RAD51B: variants seen among roughly 807,000 people sequenced by gnomAD.
RAD51B encodes RAD51 paralog B.
A neutral mutation model predicts 42.2 loss-of-function variants in RAD51B; 38 were observed. The observed-to-expected ratio is 0.90, with a 90% confidence interval of 0.70 to 1.18. The LOEUF is 1.18. Ranked by LOEUF, RAD51B falls within the 50% of genes most tolerant of loss-of-function variation. The pLI, the probability that RAD51B is intolerant of heterozygous loss-of-function variation, is 0.00. For synonymous variants in RAD51B, 154 were observed against 145.2 expected (o/e 1.06, Z -0.43); for missense variants, 373 against 400.7 (o/e 0.93, Z 0.59).
intron 10 of RAD51B, among the ~76,000 whole-genome samples, chr14:68,506,542 T>C (rs559723622): frequency 1.6e-4 from 24 of 152,348 alleles, no homozygotes; most frequent in Non-Finnish European, 2.5e-4. Context: ...CGTGCATGTG[T>C]GCGTGCACGC....
chr14:68,190,294 C>T (rs913311726), intron 7 of RAD51B, among the ~76,000 whole-genome samples: 1 of 152,030 alleles, frequency 6.6e-6, no homozygotes, highest in African/African-American at 2.4e-5. Context: ...GGTCCAGGTA[C>T]TTTTTTTGTG....
At chr14:68,049,556 C>A (rs1289940820) in intron 7 of RAD51B, among the ~76,000 whole-genome samples, 1 of 152,180 alleles carries the variant, frequency 6.6e-6, no homozygotes, top group East Asian at 1.9e-4. Context: ...GGCCTCTCCA[C>A]CTGTTTTTCT....
At chr14:68,471,125 C>A (rs2086112829) in intron 10 of RAD51B, among the ~76,000 whole-genome samples, 1 of 152,146 alleles carries the variant, frequency 6.6e-6, no homozygotes, top group Admixed American at 6.5e-5. Flanking sequence ...TGGAGGTTGG[C>A]ACCTGGAGCT....
chr14:68,229,148 T>C (rs1183231556), intron 7 of RAD51B, among the ~76,000 whole-genome samples: 1 of 152,228 alleles, frequency 6.6e-6, no homozygotes, highest in Non-Finnish European at 1.5e-5. Flanking sequence ...ATTCATTAAG[T>C]TGAAAGTTCA....
chr14:68,181,507 C>A (rs2079060618), intron 7 of RAD51B, among the ~76,000 whole-genome samples: 1 of 152,124 alleles, frequency 6.6e-6, no homozygotes, highest in African/African-American at 2.4e-5. Context: ...ATTTTTCTGC[C>A]CACATTTGGT....
At chr14:68,498,348 T>C (rs1884688145) in intron 10 of RAD51B, among the ~76,000 whole-genome samples, 1 of 152,248 alleles carries the variant, frequency 6.6e-6, no homozygotes, top group Admixed American at 6.5e-5. Context: ...ATCATCTTGC[T>C]GTGCTCTCCA....
intron 10 of RAD51B, among the ~76,000 whole-genome samples, chr14:68,555,410 CCTGT>C (rs1160966565): frequency 2.0e-4 from 31 of 152,164 alleles, no homozygotes; most frequent in Admixed American, 2.0e-3. Context: ...CCAGAGTGTC[CCTGT>C]CTGTCTAACG....
chr14:67,867,263 T>C (rs1375063229), intron 5 of RAD51B, among the ~76,000 whole-genome samples: 1 of 152,160 alleles, frequency 6.6e-6, no homozygotes, highest in African/African-American at 2.4e-5. Context: ...GGCCAATCGG[T>C]TAGGAAAGCT....
chr14:68,161,801 C>T (rs1311338998), intron 7 of RAD51B, among the ~76,000 whole-genome samples: 1 of 152,200 alleles, frequency 6.6e-6, no homozygotes, highest in African/African-American at 2.4e-5. Flanking sequence ...GAACATCATG[C>T]TTCTTCCTCC....
chr14:67,853,238 C>T (rs994344494), intron 4 of RAD51B, among the ~76,000 whole-genome samples: 1 of 152,186 alleles, frequency 6.6e-6, no homozygotes, highest in Admixed American at 6.5e-5. Context: ...TACTCCCAAC[C>T]TCCAGATAAG....
chr14:68,648,108 C>CGTATAT lies in RAD51B; in HGVS notation c.1037-2673_1037-2672insGTATAT, dbSNP rs1286942616. Among the ~76,000 whole-genome samples the CGTATAT allele has an allele frequency of 1.0e-3, 24 of 22,974 alleles. 2 individuals are homozygous for CGTATAT. Among genetic ancestry groups the CGTATAT allele is most frequent in the East Asian group, 5.4e-3 (2 of 370 alleles). The allele number at this position is 22,974 out of a possible 152,430, so 15.1% of individuals were successfully genotyped here. A position where few individuals can be genotyped will look rare whatever the true frequency, so the allele number is the denominator to read the frequency against. ...ATACGTGTGTGTATATATATATACACACACGTATATATATATACACACACG... is the reference window on the plus strand; with the variant it reads ...ATACGTGTGTGTATATATATATACACGTATATACACGTATATATATATACACACACG... On this transcript the variant is annotated intron_variant, in intron 10 of 11. Transcript: ENST00000488612.
chr14:68,271,382 G>A (rs975708604), intron 7 of RAD51B, among the ~76,000 whole-genome samples: 3 of 152,126 alleles, frequency 2.0e-5, no homozygotes, highest in Non-Finnish European at 1.5e-5. Context: ...AACAAGCCTG[G>A]GTTTGAATCC....
At chr14:68,316,614 G>A (rs926455059) in intron 8 of RAD51B, among the ~76,000 whole-genome samples, 7 of 152,116 alleles carry the variant, frequency 4.6e-5, no homozygotes, top group Non-Finnish European at 7.3e-5. Flanking sequence ...TTTCCTTCTC[G>A]GCTGTGAGAC....
chr14:68,309,549 A>G (rs943077521), intron 8 of RAD51B, among the ~76,000 whole-genome samples: 2 of 152,234 alleles, frequency 1.3e-5, no homozygotes, highest in Non-Finnish European at 2.9e-5. Context: ...TTCCAAGATC[A>G]TAAAGCCAAA....
chr14:67,840,601 A>C (rs1402414163), intron 4 of RAD51B, among the ~76,000 whole-genome samples: 2 of 152,148 alleles, frequency 1.3e-5, no homozygotes, highest in Non-Finnish European at 2.9e-5. Flanking sequence ...ATACGAGTGC[A>C]TATGTCTTTT....
downstream of RAD51B, among the ~76,000 whole-genome samples, chr14:68,599,927 G>A (rs1013594695): frequency 2.0e-5 from 3 of 152,176 alleles, no homozygotes; most frequent in Non-Finnish European, 2.9e-5. Context: ...CTGCAGAGTG[G>A]TTGGGCCTTT....
Position 68,565,828 on chromosome 14 carries a change from C to T in RAD51B, c.1037-28657C>T, listed in dbSNP as rs1197909066. The stretch of plus-strand genomic sequence containing the variant: ...GTGCATGTTGGAGAATGGTGTCTCA[C>T]TCCATCCAGTTCTCCCAGTGCAACT... On this transcript the variant is annotated intron_variant, in intron 10 of 10. Transcript: ENST00000487270. This position sits in a 1 kb window ranked among gnomAD's most constrained non-coding sequence, Gnocchi z 4.1. 6.6e-6 allele frequency among the ~76,000 whole-genome samples: 1 copy of T among 152,214 alleles called. No homozygotes were observed. Among genetic ancestry groups the T allele is most frequent in the Non-Finnish European group, 1.5e-5 (1 of 68,038 alleles).
At chr14:68,056,924 C>A (rs1294491223) in intron 7 of RAD51B, among the ~76,000 whole-genome samples, 2 of 151,762 alleles carry the variant, frequency 1.3e-5, no homozygotes, top group East Asian at 3.9e-4. Context: ...CCTGTCTCTA[C>A]TAAAATTACA....
intron 10 of RAD51B, chr14:68,541,931 TTTTGA>T (rs1452152537): frequency 1.1e-5 from 8 of 755,386 alleles, no homozygotes; most frequent in African/African-American, 1.9e-5. Flanking sequence ...TCCCAAACTT[TTTTGA>T]TTTAACACCC....
Sources: gnomAD v4.1 joint callset for allele counts (sites outside exome capture counted in the v4.1 genomes callset) on GRCh38, gnomAD v4.1.1 for gene constraint, Gnocchi (gnomAD v3.1) non-coding constraint, MANE v1.5 for transcripts, NCBI Gene and HGNC (gene_info 2026-07-23, HGNC 2026-07-21) for gene names.